Variants in HERC5 observed in about 807,000 individuals in gnomAD.
HERC5 encodes the protein E3 ISG15--protein ligase HERC5.
In HERC5, 99 loss-of-function variants were observed where a neutral mutation model predicts 119.6. That is an observed-to-expected ratio of 0.83 (90% CI 0.70 to 0.98). The LOEUF (loss-of-function observed/expected upper bound fraction) is 0.98. Among genes scored for constraint, HERC5 ranks in the 50% least tolerant of loss-of-function variants. HERC5 has a pLI of 0.00. For synonymous variants in HERC5, 478 were observed against 445.9 expected (o/e 1.07, Z -0.91); for missense variants, 1,267 against 1,241.3 (o/e 1.02, Z -0.31).
intron 10 of HERC5, among the ~76,000 whole-genome samples, chr4:88,471,284 A>C (rs6816627): frequency 0.024 from 3,577 of 151,638 alleles, 146 homozygotes; most frequent in African/African-American, 0.082. Context: ...CATATTGTTT[A>C]TACATTGTTT....
intron 13 of HERC5, among the ~76,000 whole-genome samples, chr4:88,482,994 A>G (rs1391166022): frequency 2.6e-5 from 4 of 152,056 alleles, no homozygotes; most frequent in African/African-American, 2.4e-5. Context: ...GTATTTACTT[A>G]TAGATTCTTT....
intron 20 of HERC5, among the ~76,000 whole-genome samples, chr4:88,503,923 T>C (rs1742023466): frequency 6.6e-6 from 1 of 151,966 alleles, no homozygotes; most frequent in Non-Finnish European, 1.5e-5. Context: ...AAAAATTAGC[T>C]GGGCATGGTG....
At chr4:88,501,484 A>G (rs1169486593) in intron 20 of HERC5, among the ~76,000 whole-genome samples, 2 of 152,202 alleles carry the variant, frequency 1.3e-5, no homozygotes, top group Non-Finnish European at 2.9e-5. Context: ...CCAACATCTA[A>G]TGGAATGCCA....
chr4:88,471,927 G>A lies in HERC5; in HGVS notation c.1299-482G>A, dbSNP rs566908361. Among the ~76,000 whole-genome samples, 32 of 133,464 alleles carry A rather than the reference G, an allele frequency of 2.4e-4. No homozygotes were observed. In the East Asian group the frequency reaches 6.6e-3, roughly 27 times the overall value. 87.6% of individuals were successfully genotyped at this position (133,464 alleles called of 152,430 possible). A position where few individuals can be genotyped will look rare whatever the true frequency, so the allele number is the denominator to read the frequency against. On this transcript the variant is annotated intron_variant, in intron 10 of 22. Transcript: ENST00000264350. Reference sequence around the variant, plus strand: ...AACCTTTATCTTTTTTCTATGGCCCGCCCTTCTTCCCTCCCTTCTTTCCTC... The same window carrying A: ...AACCTTTATCTTTTTTCTATGGCCCACCCTTCTTCCCTCCCTTCTTTCCTC...
At chr4:88,484,338 T>C (rs1451157521) in intron 13 of HERC5, among the ~76,000 whole-genome samples, 1 of 152,214 alleles carries the variant, frequency 6.6e-6, no homozygotes, top group Non-Finnish European at 1.5e-5. Flanking sequence ...TGTTGTGATT[T>C]GTGTATGTGT....
intron 18 of HERC5, among the ~76,000 whole-genome samples, chr4:88,496,315 A>G (rs1475023082): frequency 6.6e-6 from 1 of 152,202 alleles, no homozygotes; most frequent in East Asian, 1.9e-4. Context: ...TAAAATTTAT[A>G]TGGATGAACA....
At chr4:88,458,098 CT>C in intron 1 of HERC5, 3 of 984,696 alleles carry the variant, frequency 3.0e-6, no homozygotes, top group African/African-American at 1.7e-5. Context: ...GTTTGCGTTC[CT>C]TTTTCGGTAA....
At chr4:88,486,056 C>A in intron 13 of HERC5, 59 bp from the exon 14 acceptor site, 1 of 932,270 alleles carries the variant, frequency 1.1e-6, no homozygotes, top group Non-Finnish European at 1.7e-6. Flanking sequence ...TAATTAACAG[C>A]TATTAAGCAA....
At chr4:88,500,701 G>C (rs1362444240) in intron 19 of HERC5, among the ~76,000 whole-genome samples, 2 of 152,246 alleles carry the variant, frequency 1.3e-5, no homozygotes, top group Non-Finnish European at 2.9e-5. Context: ...AATTTGATCA[G>C]TTAAAATAAG....
At chr4:88,496,850 G>C (rs923613854) in intron 18 of HERC5, among the ~76,000 whole-genome samples, 1 of 152,076 alleles carries the variant, frequency 6.6e-6, no homozygotes, top group African/African-American at 2.4e-5. Flanking sequence ...GTGTTGTCAG[G>C]GTCTGAATGT....
At chr4:88,462,023 G>T in intron 3 of HERC5, 112 bp from the exon 4 acceptor site, 1 of 883,188 alleles carries the variant, frequency 1.1e-6, no homozygotes. Context: ...TACCATCAGT[G>T]CAAAGGTACA....
intron 20 of HERC5, among the ~76,000 whole-genome samples, chr4:88,501,195 C>G (rs1404557219): frequency 1.3e-5 from 2 of 152,086 alleles, no homozygotes; most frequent in Non-Finnish European, 2.9e-5. Flanking sequence ...TCAGAGAGAC[C>G]TTTCTATTTC....
intron 12 of HERC5, among the ~76,000 whole-genome samples, chr4:88,478,498 C>G (rs1741160449): frequency 6.6e-6 from 1 of 151,872 alleles, no homozygotes; most frequent in African/African-American, 2.4e-5. Context: ...TGTGTAGGAT[C>G]AACAAGTTTA....
At chr4:88,457,577 G>A in intron 1 of HERC5, 43 bp downstream of exon 1, 1 of 1,240,240 alleles carries the variant, frequency 8.1e-7, no homozygotes, top group Non-Finnish European at 1.0e-6. Context: ...GCTGTGAGGG[G>A]TGAGGGCTGA....
At chr4:88,485,779 C>G (rs534765865) in intron 13 of HERC5, among the ~76,000 whole-genome samples, 1 of 151,272 alleles carries the variant, frequency 6.6e-6, no homozygotes, top group Non-Finnish European at 1.5e-5. Context: ...ATTATTAAGT[C>G]CTAAAGACTA....
intron 14 of HERC5, 75 bp downstream of exon 14, chr4:88,486,303 T>C (rs1741462821): frequency 3.7e-6 from 3 of 819,002 alleles, no homozygotes; most frequent in Non-Finnish European, 6.0e-6. Context: ...CTCTGCAAAA[T>C]TGCACAATAG....
intron 16 of HERC5, among the ~76,000 whole-genome samples, chr4:88,490,724 A>G (rs961147097): frequency 5.9e-5 from 9 of 152,104 alleles, no homozygotes; most frequent in African/African-American, 2.2e-4. Flanking sequence ...GGCGCCTGTA[A>G]TCCCAGCTGC....
intron 1 of HERC5, 100 bp from the exon 2 acceptor site, chr4:88,459,247 G>A (rs1740319518): frequency 9.6e-7 from 1 of 1,044,460 alleles, no homozygotes; most frequent in Non-Finnish European, 1.3e-6. Context: ...TTGTCTAGTT[G>A]AAATTTTTCC....
chr4:88,499,929 T>A lies in HERC5; in HGVS notation c.2448T>A (p.Asn816Lys), dbSNP rs368008464. ...AGCAAGATTATTTTTTCCTTAGGAA[T>A]TTGCAAACACTTCTGGATGATGAAG... is the stretch of plus-strand genomic sequence containing the variant. ...LKELSPDLGK[N>K]LQTLLDDEGD... The change falls in exon 19 of 23, where the codon AAT (asparagine) becomes AAA (lysine). Residue 816 changes from asparagine to lysine, a missense_variant. Physicochemically the swap from Asn to Lys is moderately conservative, Grantham distance 94. Around this residue, in one of 3 missense-constraint regions of HERC5, gnomAD observed 473 missense variants for 445.7 expected, o/e 1.06. Transcript: ENST00000264350. The A allele has an allele frequency of 9.4e-6, 15 of 1,602,980 alleles. No homozygotes were observed. The highest frequency in any genetic ancestry group is 1.3e-5 in the Non-Finnish European group (15 of 1,170,676).
Sources: gnomAD v4.1 joint callset for allele counts (sites outside exome capture counted in the v4.1 genomes callset) on GRCh38, gnomAD v4.1.1 for gene constraint, gnomAD v4.1.1 regional missense constraint, MANE v1.5 for transcripts, NCBI Gene and HGNC (gene_info 2026-07-23, HGNC 2026-07-21) for gene names.